The following LHX8 variants were observed in gnomAD, a reference collection of about 807,000 sequenced individuals.
LHX8 encodes the protein LIM homeobox 8, also known as LIM/homeobox protein Lhx8.
A neutral mutation model predicts 40.3 loss-of-function variants in LHX8; 12 were observed. The ratio of observed to expected loss-of-function variants is 0.30; its 90% confidence interval spans 0.19 to 0.48. LHX8 has a LOEUF of 0.48. Among genes scored for constraint, LHX8 ranks in the 20% least tolerant of loss-of-function variants. The pLI is 0.99. For missense variants in LHX8, 344 were observed against 433.7 expected (o/e 0.79, Z 1.84); for synonymous variants, 179 against 162.0 (o/e 1.10, Z -0.80).
Position 75,141,113 on chromosome 1 carries a change from T to A in LHX8, c.359+7T>A, listed in dbSNP as rs777758393. The A allele has an allele frequency of 6.2e-7, 1 of 1,612,470 alleles. No individual in the cohort carries two copies. Among genetic ancestry groups the A allele is most frequent in the Non-Finnish European group, 8.5e-7 (1 of 1,179,166 alleles). ...GCAAACTTGATTATTTCAGGTATGC[T>A]GTGAAGCTTTTTCTTAGTAGATACT... On this transcript the variant is annotated splice_region_variant and intron_variant, in intron 4 of 8. Coordinates refer to ENST00000356261, the MANE Select transcript of LHX8 (RefSeq NM_001256114.2).
At chr1:75,143,650 A>T (rs919218489) in intron 5 of LHX8, among the ~76,000 whole-genome samples, 195 bp from the exon 6 acceptor site, 1 of 152,164 alleles carries the variant, frequency 6.6e-6, no homozygotes, top group South Asian at 2.1e-4. Context: ...TGAACTTTTC[A>T]CTAAATATAC....
the LHX8 span, among the ~76,000 whole-genome samples, chr1:75,178,171 A>C: frequency 2.0e-5 from 3 of 152,224 alleles, no homozygotes; most frequent in Non-Finnish European, 4.4e-5. Flanking sequence ...CCTTGGTATC[A>C]GTATTATACC....
the LHX8 span, among the ~76,000 whole-genome samples, chr1:75,173,004 GT>G: frequency 1.3e-5 from 2 of 152,098 alleles, no homozygotes; most frequent in Non-Finnish European, 2.9e-5. Context: ...CTGGTATTCT[GT>G]TTCTTTTCAG....
At chr1:75,186,160 A>G in the LHX8 span, among the ~76,000 whole-genome samples, 3 of 152,182 alleles carry the variant, frequency 2.0e-5, no homozygotes, top group African/African-American at 7.2e-5. Context: ...CAGACTACCA[A>G]TGACATTCTT....
the LHX8 span, among the ~76,000 whole-genome samples, chr1:75,170,030 G>GTC: frequency 2.0e-5 from 3 of 152,160 alleles, no homozygotes; most frequent in African/African-American, 7.2e-5. Flanking sequence ...GATACCCCAG[G>GTC]TCTATGTTGC....
At chr1:75,169,735 C>G in the LHX8 span, among the ~76,000 whole-genome samples, 3 of 152,212 alleles carry the variant, frequency 2.0e-5, no homozygotes, top group Non-Finnish European at 2.9e-5. Flanking sequence ...CTCCATTGCT[C>G]TGGTCTGGAG....
At chr1:75,136,962 C>G in intron 2 of LHX8, 138 bp from the exon 3 acceptor site, 1 of 931,710 alleles carries the variant, frequency 1.1e-6, no homozygotes, top group Non-Finnish European at 1.5e-6. Flanking sequence ...GGGCGAGAAT[C>G]GTGACCTCAA....
chr1:75,181,100 C>G, the LHX8 span, among the ~76,000 whole-genome samples: 1 of 152,164 alleles, frequency 6.6e-6, no homozygotes, highest in Non-Finnish European at 1.5e-5. Flanking sequence ...CAGAGGGGCA[C>G]CTGGCTGTAT....
At chr1:75,163,509 G>A (rs146863719), downstream of LHX8, among the ~76,000 whole-genome samples, 812 of 152,202 alleles carry the variant, frequency 5.3e-3, 4 homozygotes, top group African/African-American at 0.019. Flanking sequence ...GGCTCCTACC[G>A]GAGGAGATAA....
At chr1:75,194,297 G>A in the LHX8 span, among the ~76,000 whole-genome samples, 2 of 152,144 alleles carry the variant, frequency 1.3e-5, no homozygotes, top group South Asian at 2.1e-4. Context: ...CATCCTGGAG[G>A]TCCCTGCCAT....
the LHX8 span, among the ~76,000 whole-genome samples, chr1:75,166,895 G>C: frequency 6.6e-6 from 1 of 152,192 alleles, no homozygotes; most frequent in African/African-American, 2.4e-5. Context: ...AGGGCGATGA[G>C]ACAGTCTACA....
At chr1:75,187,839 G>A in the LHX8 span, among the ~76,000 whole-genome samples, 6 of 152,102 alleles carry the variant, frequency 3.9e-5, no homozygotes, top group African/African-American at 1.4e-4. Context: ...GGGACAGAGG[G>A]GAAAGGAGAA....
the LHX8 span, among the ~76,000 whole-genome samples, chr1:75,197,570 TTCTC>T: frequency 6.6e-6 from 1 of 152,210 alleles, no homozygotes; most frequent in African/African-American, 2.4e-5. Flanking sequence ...CACTTCTTTT[TTCTC>T]TCTATTGCGG....
chr1:75,137,009 G>T, intron 2 of LHX8, 91 bp from the exon 3 acceptor site: 1 of 1,425,370 alleles, frequency 7.0e-7, no homozygotes, highest in Non-Finnish European at 9.4e-7. Flanking sequence ...AGGGGGAAGG[G>T]AGGGGAGGCG....
chr1:75,181,908 G>C, the LHX8 span, among the ~76,000 whole-genome samples: 1 of 151,884 alleles, frequency 6.6e-6, no homozygotes, highest in Non-Finnish European at 1.5e-5. Flanking sequence ...TCCTTCGTTG[G>C]GTGCATAGGT....
the LHX8 span, among the ~76,000 whole-genome samples, chr1:75,197,862 C>T: frequency 2.0e-5 from 3 of 152,160 alleles, no homozygotes; most frequent in African/African-American, 7.2e-5. Flanking sequence ...CAGAGAAAAA[C>T]CTCTATCAGA....
intron 7 of LHX8, among the ~76,000 whole-genome samples, chr1:75,153,799 G>T (rs192244987): frequency 2.4e-4 from 36 of 152,136 alleles, no homozygotes; most frequent in Middle Eastern, 6.8e-3. Flanking sequence ...AATTATTTAC[G>T]CCTAAACTTT....
upstream of LHX8, chr1:75,131,269 G>T (rs754291514): frequency 2.5e-4 from 46 of 181,958 alleles, no homozygotes; most frequent in Non-Finnish European, 4.6e-4. Flanking sequence ...TCCGGAGATT[G>T]CCTGAGCACC....
chr1:75,156,858 A>C, intron 7 of LHX8, 35 bp from the exon 8 acceptor site: 6 of 1,609,556 alleles, frequency 3.7e-6, no homozygotes, highest in Non-Finnish European at 3.4e-6. Context: ...CTGGTGTGTA[A>C]CCTACCTACT....
Sources: gnomAD v4.1 joint callset for allele counts (sites outside exome capture counted in the v4.1 genomes callset) on GRCh38, gnomAD v4.1.1 for gene constraint, MANE v1.5 for transcripts, NCBI Gene and HGNC (gene_info 2026-07-23, HGNC 2026-07-21) for gene names.